The following GRIK4 variants were observed in gnomAD, a reference collection of about 807,000 sequenced individuals.
GRIK4 encodes the protein glutamate receptor ionotropic, kainate 4.
Under a neutral mutation model 104.9 loss-of-function variants are expected in GRIK4, and 40 were observed. The observed-to-expected ratio is 0.38, with a 90% confidence interval of 0.30 to 0.50. The LOEUF is 0.50. Among genes scored for constraint, GRIK4 ranks in the 20% least tolerant of loss-of-function variants. The probability of loss-of-function intolerance (pLI) is 0.93; values close to 1 mark genes in which losing one functional copy is unlikely to be tolerated. For missense variants in GRIK4, 1,047 were observed against 1,308.1 expected (o/e 0.80, Z 3.08); for synonymous variants, 485 against 524.9 (o/e 0.92, Z 1.04).
At chr11:120,726,096 C>G (rs908517695) in intron 3 of GRIK4, among the ~76,000 whole-genome samples, 10 of 152,166 alleles carry the variant, frequency 6.6e-5, no homozygotes, top group African/African-American at 2.4e-4. Flanking sequence ...CCACAGGGAA[C>G]TGCAAGGACA....
At position 120,901,350 on chromosome 11, in the gene GRIK4, C is replaced by T. The variant is rs575118254; in HGVS notation, c.1272+2711C>T. Among the ~76,000 whole-genome samples, 9 of 152,030 alleles carry T rather than the reference C, an allele frequency of 5.9e-5. No individual in the cohort carries two copies. The South Asian group carries it at 1.7e-3, about 28-fold the overall frequency. On this transcript the variant is annotated intron_variant, in intron 12 of 20. Coordinates refer to ENST00000527524, the MANE Select transcript of GRIK4 (RefSeq NM_014619.5). ...GCTCGCTGCATCCTGCCCCTCCCTG[C>T]CTTGGCACATGCTGTTCCTTATGCC...
rs117205544 is a variant in GRIK4 at position 120,700,228 on chromosome 11, C to G, written c.82+39828C>G. Among the ~76,000 whole-genome samples the G allele has an allele frequency of 7.6e-3, 1,144 of 150,144 alleles. 9 individuals carry two copies. Among genetic ancestry groups the G allele is most frequent in the Middle Eastern group, 0.014 (4 of 282 alleles). ...TGATGTTTCCATCCACAAATGGCCA[C>G]ATATATGACAAAGTTCCTATAAGAT... is the stretch of plus-strand genomic sequence containing the variant. On this transcript the variant is annotated intron_variant, in intron 3 of 20. Coordinates refer to ENST00000527524, the MANE Select transcript of GRIK4 (RefSeq NM_014619.5).
intron 1 of GRIK4, among the ~76,000 whole-genome samples, chr11:120,582,519 G>A (rs1318818140): frequency 1.3e-5 from 2 of 152,044 alleles, no homozygotes; most frequent in African/African-American, 4.8e-5. Context: ...GTGTCCATGT[G>A]TATTCAGCAT....
chr11:120,612,095 A>G (rs1328519963), intron 1 of GRIK4, among the ~76,000 whole-genome samples: 1 of 152,092 alleles, frequency 6.6e-6, no homozygotes, highest in Non-Finnish European at 1.5e-5. Flanking sequence ...TACTTAATTC[A>G]TTCTTCTCCT....
intron 3 of GRIK4, among the ~76,000 whole-genome samples, chr11:120,750,728 G>C (rs1951535241): frequency 6.6e-6 from 1 of 152,110 alleles, no homozygotes. Context: ...GCTCTCCAAA[G>C]TGAGGTACTC....
chr11:120,556,085 C>T (rs937662997), intron 1 of GRIK4, among the ~76,000 whole-genome samples: 1 of 152,244 alleles, frequency 6.6e-6, no homozygotes, highest in Admixed American at 6.5e-5. Flanking sequence ...GGAATGATCA[C>T]CTGGTAGGGA....
At chr11:120,765,009 C>T (rs892402692) in intron 3 of GRIK4, among the ~76,000 whole-genome samples, 1 of 152,114 alleles carries the variant, frequency 6.6e-6, no homozygotes, top group Admixed American at 6.5e-5. Context: ...GCATGTCTTG[C>T]TATGTTGGGG....
At chr11:120,581,932 T>C (rs1948586802) in intron 1 of GRIK4, among the ~76,000 whole-genome samples, 1 of 151,844 alleles carries the variant, frequency 6.6e-6, no homozygotes, top group African/African-American at 2.4e-5. Context: ...TCAGCCTCCC[T>C]AGTAGCTGGG....
At chr11:120,584,708 C>G (rs1948635990) in intron 1 of GRIK4, among the ~76,000 whole-genome samples, 1 of 152,196 alleles carries the variant, frequency 6.6e-6, no homozygotes, top group South Asian at 2.1e-4. Context: ...CAAACTGTAT[C>G]AGTGGCTCAT....
chr11:120,752,070 C>T (rs1951565144), intron 3 of GRIK4, among the ~76,000 whole-genome samples: 1 of 152,172 alleles, frequency 6.6e-6, no homozygotes. Flanking sequence ...CAAGCCCTGA[C>T]CAGCATCCTC....
intron 1 of GRIK4, among the ~76,000 whole-genome samples, chr11:120,611,065 G>A (rs910744250): frequency 6.6e-6 from 1 of 152,154 alleles, no homozygotes; most frequent in Non-Finnish European, 1.5e-5. Flanking sequence ...TTGACAGCTC[G>A]AGGCAGAACC....
At chr11:120,811,567 C>T (rs1235741781) in intron 4 of GRIK4, among the ~76,000 whole-genome samples, 5 of 152,126 alleles carry the variant, frequency 3.3e-5, no homozygotes, top group Middle Eastern at 3.2e-3. Context: ...GTGCTTCGAA[C>T]GGGCCATAGT....
chr11:120,699,135 C>A (rs1336352777), intron 3 of GRIK4, among the ~76,000 whole-genome samples: 1 of 152,168 alleles, frequency 6.6e-6, no homozygotes, highest in Non-Finnish European at 1.5e-5. Flanking sequence ...TGCTTCAGTT[C>A]ATCACAGCTG....
At chr11:120,571,940 C>T (rs566886899) in intron 1 of GRIK4, among the ~76,000 whole-genome samples, 1 of 152,228 alleles carries the variant, frequency 6.6e-6, no homozygotes, top group African/African-American at 2.4e-5. Context: ...CAGGAAGTCA[C>T]CGGAGGCATC....
chr11:120,911,549 T>C (rs1942995260), intron 13 of GRIK4, among the ~76,000 whole-genome samples: 1 of 143,800 alleles, frequency 7.0e-6, no homozygotes, highest in Admixed American at 6.8e-5. Context: ...AAATTCTCTT[T>C]AAAGATAATA....
At chr11:120,588,395 G>A (rs1948694849) in intron 1 of GRIK4, among the ~76,000 whole-genome samples, 1 of 152,166 alleles carries the variant, frequency 6.6e-6, no homozygotes, top group Non-Finnish European at 1.5e-5. Context: ...ACTCTGTTCA[G>A]GCATAGAGGG....
intron 3 of GRIK4, among the ~76,000 whole-genome samples, chr11:120,730,943 C>T (rs1320557156): frequency 6.6e-6 from 1 of 152,134 alleles, no homozygotes; most frequent in Admixed American, 6.5e-5. Flanking sequence ...ACTTGTTTAT[C>T]AGTTCTAATA....
At chr11:120,661,253 G>A (rs567565219) in intron 3 of GRIK4, among the ~76,000 whole-genome samples, 2 of 152,276 alleles carry the variant, frequency 1.3e-5, no homozygotes, top group Non-Finnish European at 2.9e-5. Flanking sequence ...TCGGGGGATG[G>A]GGATTAGTGT....
At chr11:120,831,290 C>A (rs111398071) in intron 6 of GRIK4, among the ~76,000 whole-genome samples, 1 of 152,216 alleles carries the variant, frequency 6.6e-6, no homozygotes, top group Non-Finnish European at 1.5e-5. Context: ...TCTTACAGAG[C>A]CCAGTGTAAC....
Sources: allele counts gnomAD v4.1 joint callset (sites outside exome capture counted in the v4.1 genomes callset), GRCh38; gene constraint gnomAD v4.1.1; transcripts MANE v1.5; gene names NCBI Gene and HGNC (gene_info 2026-07-23, HGNC 2026-07-21).